Variants in CDK6 observed in about 807,000 individuals in gnomAD.
The protein encoded by CDK6 is cyclin-dependent kinase 6.
In CDK6, 6 loss-of-function variants were observed where a neutral mutation model predicts 37.1. The observed-to-expected ratio is 0.16, with a 90% CI of 0.09 to 0.32. The LOEUF (loss-of-function observed/expected upper bound fraction) is 0.32. Ranked by LOEUF, CDK6 falls within the 10% of genes least tolerant of loss-of-function variation. The pLI, the probability that CDK6 is intolerant of heterozygous loss-of-function variation, is 1.00. For missense variants in CDK6, 224 were observed against 418.9 expected (o/e 0.53, Z 4.06); for synonymous variants, 160 against 161.3 (o/e 0.99, Z 0.06).
intron 4 of CDK6, among the ~76,000 whole-genome samples, chr7:92,712,059 C>G (rs1392641808): frequency 6.6e-6 from 1 of 151,592 alleles, no homozygotes; most frequent in Non-Finnish European, 1.5e-5. Flanking sequence ...ACTCAGGAGG[C>G]TGAGGCAGGA....
chr7:92,807,272 T>C (rs1458097398), intron 2 of CDK6, among the ~76,000 whole-genome samples: 1 of 152,146 alleles, frequency 6.6e-6, no homozygotes, highest in Non-Finnish European at 1.5e-5. Context: ...TTTCTGAAAG[T>C]AGATCTATAT....
rs1011850285 is a variant in CDK6 at position 92,725,679 on chromosome 7, C to T, written c.484G>A (p.Ala162Thr). The change falls in exon 4 of 8, where the codon GCT becomes ACT. Residue 162 changes from alanine (A) to threonine (T), a missense_variant. By Grantham distance (58) the Ala-to-Thr change is moderately conservative. Around this residue, in one of 5 missense-constraint regions of CDK6, gnomAD observed 82 missense variants for 202.1 expected, o/e 0.41. Coordinates refer to ENST00000424848, the MANE Select transcript of CDK6 (RefSeq NM_001145306.2). ...LVTSSGQIKL[A>T]DFGLARIYSF... ...TAGATGCGGGCAAGGCCGAAGTCAG[C>T]GAGTTTTATTTGTCCGCTGCTGGTC... 4 of 1,613,906 alleles carry T rather than the reference C, an allele frequency of 2.5e-6. No homozygotes were observed. Among genetic ancestry groups the T allele is most frequent in the Non-Finnish European group, 3.4e-6 (4 of 1,179,964 alleles).
chr7:92,673,510 A>G (rs1232782306), intron 4 of CDK6, among the ~76,000 whole-genome samples: 1 of 152,216 alleles, frequency 6.6e-6, no homozygotes, highest in Non-Finnish European at 1.5e-5. Flanking sequence ...ATGTTACTCA[A>G]GTTACCATTT....
At chr7:92,666,255 C>T (rs893180399) in intron 5 of CDK6, among the ~76,000 whole-genome samples, 1 of 152,220 alleles carries the variant, frequency 6.6e-6, no homozygotes, top group African/African-American at 2.4e-5. Context: ...CAGTACTCTA[C>T]ACTTCTTCAC....
At chr7:92,805,569 T>C (rs1258423493) in intron 2 of CDK6, among the ~76,000 whole-genome samples, 2 of 152,164 alleles carry the variant, frequency 1.3e-5, no homozygotes, top group African/African-American at 4.8e-5. Flanking sequence ...TTGGAAAGGA[T>C]GTTATGACCA....
At chr7:92,681,367 C>T (rs1036329336) in intron 4 of CDK6, among the ~76,000 whole-genome samples, 12 of 152,194 alleles carry the variant, frequency 7.9e-5, no homozygotes, top group Non-Finnish European at 1.5e-4. Flanking sequence ...GAAAATGACT[C>T]ACTGAAGGAC....
In CDK6 at chr7:92,613,815, G is replaced by A. The variant is rs938688342; in HGVS notation, c.*1325C>T. ...CCTACTCATTATTTAGGTAACAAAA[G>A]TAAACACCAGGTAGAAGGACTGCAT... On this transcript the variant is annotated 3_prime_UTR_variant, in exon 8 of 8. Transcript: ENST00000424848. The A allele has an allele frequency of 8.6e-6, 2 of 233,042 alleles. No individual in the cohort carries two copies. Among genetic ancestry groups the A allele is most frequent in the Non-Finnish European group, 1.7e-5 (2 of 117,990 alleles). 14.4% of individuals were successfully genotyped at this position (233,042 alleles called of 1,614,324 possible). A position where few individuals can be genotyped will look rare whatever the true frequency, so the allele number is the denominator to read the frequency against.
Position 92,605,138 on chromosome 7 carries a change from A to G in CDK6, c.*10002T>C, listed in dbSNP as rs915608751. On this transcript the variant is annotated 3_prime_UTR_variant, in exon 8 of 8. Transcript: ENST00000424848. ...CTATTTGCTCTTTTTGCCTCATTCA[A>G]TTTAGCTTTCACATAAGTGAACACA... is the stretch of plus-strand genomic sequence containing the variant. 3 of 232,988 alleles carry G rather than the reference A, an allele frequency of 1.3e-5. No individual in the cohort carries two copies. Among genetic ancestry groups the G allele is most frequent in the African/African-American group, 6.6e-5 (3 of 45,338 alleles). The allele number at this position is 232,988 out of a possible 1,614,324, so 14.4% of individuals were successfully genotyped here.
At chr7:92,644,841 C>T (rs1305787252) in intron 5 of CDK6, among the ~76,000 whole-genome samples, 1 of 152,176 alleles carries the variant, frequency 6.6e-6, no homozygotes, top group East Asian at 1.9e-4. Flanking sequence ...AACAACTGAC[C>T]GAAGCTGTCA....
Position 92,609,835 on chromosome 7 carries a change from C to A in CDK6, c.*5305G>T, listed in dbSNP as rs1007934720. 1 of 230,276 alleles carries A rather than the reference C, an allele frequency of 4.3e-6. No individual in the cohort carries two copies. Among genetic ancestry groups the A allele is most frequent in the African/African-American group, 2.2e-5 (1 of 45,176 alleles). 14.3% of individuals were successfully genotyped at this position (230,276 alleles called of 1,614,324 possible). On this transcript the variant is annotated 3_prime_UTR_variant, in exon 8 of 8. Transcript: ENST00000424848. Reference sequence around the variant, plus strand: ...AATTTTTTCTTGACTGAATGAATGACTAGGCTTTCTTTACTTAAATGATCA... The same window carrying A: ...AATTTTTTCTTGACTGAATGAATGAATAGGCTTTCTTTACTTAAATGATCA...
chr7:92,733,121 T>C (rs569388544), intron 3 of CDK6, among the ~76,000 whole-genome samples: 1 of 152,222 alleles, frequency 6.6e-6, no homozygotes, highest in Non-Finnish European at 1.5e-5. Context: ...CTTTCATTTA[T>C]AGCCACCATG....
intron 4 of CDK6, among the ~76,000 whole-genome samples, chr7:92,693,353 T>A (rs1033343958): frequency 1.3e-5 from 2 of 152,210 alleles, no homozygotes; most frequent in Non-Finnish European, 2.9e-5. Flanking sequence ...CCCAGCCCTA[T>A]GTGATCCTGT....
intron 5 of CDK6, among the ~76,000 whole-genome samples, chr7:92,666,478 C>A (rs1344347597): frequency 1.3e-5 from 2 of 152,298 alleles, no homozygotes; most frequent in Middle Eastern, 3.4e-3. Context: ...GATAAACATG[C>A]ATGAACTTTC....
Position 92,834,402 on chromosome 7 carries a change from C to T in CDK6, c.-367-712G>A, listed in dbSNP as rs909257964. On this transcript the variant is annotated intron_variant, in intron 1 of 7. Transcript: ENST00000424848. This position sits in a 1 kb window ranked among gnomAD's most constrained non-coding sequence, Gnocchi z 4.6. ...TCGGTTGGAAACGGAATTCTCTCTC[C>T]GGCTGGGAGGACCTCCCTGGTGGAA... Among the ~76,000 whole-genome samples, 1 of 149,330 alleles carries T rather than the reference C, an allele frequency of 6.7e-6. No individual in the cohort carries two copies. Among genetic ancestry groups the T allele is most frequent in the African/African-American group, 2.4e-5 (1 of 40,818 alleles).
chr7:92,832,535 A>T (rs1031410552), intron 2 of CDK6, among the ~76,000 whole-genome samples: 1 of 152,238 alleles, frequency 6.6e-6, no homozygotes, highest in East Asian at 1.9e-4. Flanking sequence ...AGTCATTCTT[A>T]CTACGCAACT....
At chr7:92,642,620 A>G (rs1190924412) in intron 5 of CDK6, among the ~76,000 whole-genome samples, 1 of 152,222 alleles carries the variant, frequency 6.6e-6, no homozygotes, top group Non-Finnish European at 1.5e-5. Flanking sequence ...TTCACTGAAC[A>G]TGTACAATGC....
At chr7:92,733,738 T>C (rs1798707521) in intron 3 of CDK6, among the ~76,000 whole-genome samples, 1 of 152,232 alleles carries the variant, frequency 6.6e-6, no homozygotes, top group South Asian at 2.1e-4. Context: ...GCTCTTTGTT[T>C]CTGGCTCTGT....
At chr7:92,635,262 G>A (rs1008022525) in intron 5 of CDK6, among the ~76,000 whole-genome samples, 1 of 152,184 alleles carries the variant, frequency 6.6e-6, no homozygotes, top group African/African-American at 2.4e-5. Context: ...GTTGTTTCCA[G>A]ATCAGGGCAG....
intron 4 of CDK6, among the ~76,000 whole-genome samples, 164 bp from the exon 5 acceptor site, chr7:92,671,699 A>G (rs1797074461): frequency 6.6e-6 from 1 of 152,190 alleles, no homozygotes; most frequent in South Asian, 2.1e-4. Context: ...CTCATCACTG[A>G]CAGGCCAGGA....
Sources: gnomAD v4.1 joint callset for allele counts (sites outside exome capture counted in the v4.1 genomes callset) on GRCh38, gnomAD v4.1.1 for gene constraint, gnomAD v4.1.1 regional missense constraint, Gnocchi (gnomAD v3.1) non-coding constraint, MANE v1.5 for transcripts, NCBI Gene and HGNC (gene_info 2026-07-23, HGNC 2026-07-21) for gene names.